Variants in PRDM16 observed in about 807,000 individuals in gnomAD.
PRDM16 encodes histone-lysine N-methyltransferase PRDM16.
PRDM16 carries 23 observed loss-of-function variants against 110.6 expected under a neutral mutation model. The ratio of observed to expected loss-of-function variants is 0.21; its 90% CI spans 0.15 to 0.29. The LOEUF (loss-of-function observed/expected upper bound fraction) is 0.29. Among genes scored for constraint, PRDM16 ranks in the 10% least tolerant of loss-of-function variants. The probability of loss-of-function intolerance (pLI) is 1.00; values close to 1 mark genes in which losing one functional copy is unlikely to be tolerated. For missense variants in PRDM16, 1,615 were observed against 1,794.3 expected, an observed-to-expected ratio of 0.90 and a Z score of 1.81; for synonymous variants, 799 against 781.8, an observed-to-expected ratio of 1.02 and a Z score of -0.37.
chr1:3,119,064 G>A (rs1210645226), intron 1 of PRDM16, among the ~76,000 whole-genome samples: 4 of 152,204 alleles, frequency 2.6e-5, no homozygotes, highest in Admixed American at 6.5e-5. Flanking sequence ...GGTGGGAGAC[G>A]GTATGGCCAT....
At chr1:3,202,995 C>T (rs921262373) in intron 2 of PRDM16, among the ~76,000 whole-genome samples, 1 of 152,170 alleles carries the variant, frequency 6.6e-6, no homozygotes, top group African/African-American at 2.4e-5. Context: ...GGATAATTTT[C>T]CACTGGTCGT....
At chr1:3,092,895 G>A (rs182046662) in intron 1 of PRDM16, among the ~76,000 whole-genome samples, 12 of 152,252 alleles carry the variant, frequency 7.9e-5, no homozygotes, top group East Asian at 3.9e-4. Context: ...CCCTTTCCAC[G>A]ACTTTGACAT....
rs1638757437 is a variant in PRDM16 at position 3,431,179 on chromosome 1, C to G, written c.3521+71C>G. 2.6e-6 allele frequency: 4 copies of G among 1,513,966 alleles called. No homozygotes were observed. In the Admixed American group the frequency reaches 6.0e-5, roughly 23 times the overall value. The allele number at this position is 1,513,966 out of a possible 1,614,324, so 93.8% of individuals were successfully genotyped here. Reference sequence around the variant, plus strand: ...GGCGTCCATCACGAGGGGGACCTCCCTCTTCAGCCACTCGTGAGCCCATCC... The same window carrying G: ...GGCGTCCATCACGAGGGGGACCTCCGTCTTCAGCCACTCGTGAGCCCATCC... On this transcript the variant is annotated intron_variant, in intron 15 of 16. Transcript: ENST00000270722.
intron 3 of PRDM16, among the ~76,000 whole-genome samples, chr1:3,262,400 G>A (rs533541249): frequency 3.3e-5 from 5 of 152,306 alleles, no homozygotes; most frequent in South Asian, 4.1e-4. Flanking sequence ...GCCAGCCAGC[G>A]GGAAAAATTC....
intron 3 of PRDM16, among the ~76,000 whole-genome samples, chr1:3,252,154 GC>G (rs1639948147): frequency 6.6e-6 from 1 of 152,194 alleles, no homozygotes; most frequent in South Asian, 2.1e-4. Flanking sequence ...ATCATGCTGT[GC>G]CCCCCTCTTC....
At chr1:3,168,902 G>C (rs906682512) in intron 1 of PRDM16, among the ~76,000 whole-genome samples, 4 of 152,176 alleles carry the variant, frequency 2.6e-5, no homozygotes, top group African/African-American at 9.7e-5. Context: ...CCTGGAGCCA[G>C]GTGGTTGCTG....
chr1:3,270,684 G>T (rs1258021081), intron 3 of PRDM16, among the ~76,000 whole-genome samples: 3 of 148,464 alleles, frequency 2.0e-5, no homozygotes, highest in South Asian at 2.2e-4. Flanking sequence ...TCCCAGAGGA[G>T]GACAGTCGGG....
rs1642007328 is a variant in PRDM16 at position 3,329,860 on chromosome 1, T to C, written c.439-55292T>C. On this transcript the variant is annotated intron_variant, in intron 3 of 16. Coordinates refer to ENST00000270722, the MANE Select transcript of PRDM16 (RefSeq NM_022114.4). ...TCCGGCCTCCCATGCAGTCCCTGCC[T>C]TACCCACAGGTGCCCATGGCTGAGC... Among the ~76,000 whole-genome samples, 3 of 152,242 alleles carry C rather than the reference T, an allele frequency of 2.0e-5. No homozygotes were observed. The South Asian group carries it at 6.2e-4, about 31-fold the overall frequency.
intron 3 of PRDM16, among the ~76,000 whole-genome samples, chr1:3,300,570 C>T (rs1230037833): frequency 6.6e-6 from 1 of 152,234 alleles, no homozygotes; most frequent in East Asian, 1.9e-4. Flanking sequence ...AGCACATCTC[C>T]TCCTCCAGCA....
At chr1:3,116,001 G>C (rs2981865) in intron 1 of PRDM16, among the ~76,000 whole-genome samples, 58,993 of 151,932 alleles carry the variant, frequency 0.39, 11,704 homozygotes, top group South Asian at 0.54. Context: ...GCCCCTCCCA[G>C]CGTCTGCAGC....
chr1:3,337,630 C>T (rs1051346006), intron 3 of PRDM16, among the ~76,000 whole-genome samples: 1 of 152,146 alleles, frequency 6.6e-6, no homozygotes, highest in Admixed American at 6.5e-5. Context: ...CGGGGCCAGC[C>T]CCCAACAGGG....
rs756478170 is a variant in PRDM16, at chr1:3,246,076, C to T, written c.438+1939C>T. On this transcript the variant is annotated intron_variant, in intron 3 of 16. Coordinates refer to ENST00000270722, the MANE Select transcript of PRDM16 (RefSeq NM_022114.4). The surrounding 1 kb of genome is among the most constrained non-coding windows in gnomAD (Gnocchi z 5.2). The stretch of plus-strand genomic sequence containing the variant: ...AGGTCAAGTCTAGATTTAAAGGGCC[C>T]GGGGGAGGCAAGTGCTGGCTGCTTC... 9.2e-5 allele frequency among the ~76,000 whole-genome samples: 14 copies of T among 152,066 alleles called. No individual in the cohort carries two copies. Among genetic ancestry groups the T allele is most frequent in the Admixed American group, 5.2e-4 (8 of 15,276 alleles).
In PRDM16 at chr1:3,335,602, AACACACAC is replaced by A. The variant is rs3036535; in HGVS notation, c.439-49517_439-49510del. On this transcript the variant is annotated intron_variant, in intron 3 of 16. Transcript: ENST00000270722. ...AAATCTAACCTTTGGCTGAGGTTAA[AACACACAC>A]ACACACACACACACACACACACACA... Among the ~76,000 whole-genome samples the A allele has an allele frequency of 1.5e-3, 212 of 144,390 alleles. No individual in the cohort carries two copies. The Middle Eastern group carries it at 0.021, about 14-fold the overall frequency. The allele number at this position is 144,390 out of a possible 152,430, so 94.7% of individuals were successfully genotyped here. A position where few individuals can be genotyped will look rare whatever the true frequency, so the allele number is the denominator to read the frequency against.
At chr1:3,261,781 G>GTCCTGGTCCCCACCCTCCA (rs1410340238) in intron 3 of PRDM16, among the ~76,000 whole-genome samples, 5 of 152,090 alleles carry the variant, frequency 3.3e-5, no homozygotes, top group Non-Finnish European at 5.9e-5. Flanking sequence ...CCCGCCCTCC[G>GTCCTGGTCCCCACCCTCCA]TCCTGGTCCC....
intron 16 of PRDM16, among the ~76,000 whole-genome samples, chr1:3,433,469 G>T (rs1462160991): frequency 1.3e-5 from 2 of 151,836 alleles, no homozygotes; most frequent in Non-Finnish European, 2.9e-5. Context: ...AGGATGGCCT[G>T]CCCTGCCCAT....
chr1:3,142,748 G>A (rs1643576824), intron 1 of PRDM16, among the ~76,000 whole-genome samples: 1 of 152,156 alleles, frequency 6.6e-6, no homozygotes. Context: ...AAGCCCAGAT[G>A]TTTATAGAAT....
At chr1:3,351,451 GGTCTTCT>G (rs1642479068) in intron 3 of PRDM16, among the ~76,000 whole-genome samples, 1 of 138,616 alleles carries the variant, frequency 7.2e-6, no homozygotes. Flanking sequence ...CAGGGACATA[GGTCTTCT>G]CCTTCCCATC....
chr1:3,183,713 G>T (rs922296025), intron 1 of PRDM16, among the ~76,000 whole-genome samples: 1 of 152,208 alleles, frequency 6.6e-6, no homozygotes, highest in Non-Finnish European at 1.5e-5. Context: ...TTCCTCCAGC[G>T]GGTCAGGGGT....
intron 3 of PRDM16, among the ~76,000 whole-genome samples, chr1:3,323,136 C>T (rs551888322): frequency 3.5e-4 from 53 of 152,342 alleles, no homozygotes; most frequent in African/African-American, 1.1e-3. Flanking sequence ...ACGCTATTGT[C>T]ACCTTTTCAA....
Sources: gnomAD v4.1 joint callset for allele counts (sites outside exome capture counted in the v4.1 genomes callset) on GRCh38, gnomAD v4.1.1 for gene constraint, Gnocchi (gnomAD v3.1) non-coding constraint, MANE v1.5 for transcripts, NCBI Gene and HGNC (gene_info 2026-07-23, HGNC 2026-07-21) for gene names.